Variants in GAD1 observed in about 807,000 individuals in gnomAD.
The protein encoded by GAD1 is glutamate decarboxylase 1.
Under a neutral mutation model 75.2 loss-of-function variants are expected in GAD1, and 35 were observed. That is an observed-to-expected ratio of 0.47 (90% CI 0.36 to 0.62). The LOEUF is 0.62. Ranked by LOEUF, GAD1 falls within the 20% of genes least tolerant of loss-of-function variation. The pLI is 0.00. For synonymous variants in GAD1, 257 were observed against 271.9 expected, an observed-to-expected ratio of 0.95 and a Z score of 0.54; for missense variants, 490 against 758.5, an observed-to-expected ratio of 0.65 and a Z score of 4.16.
chr2:170,847,491 T>C (rs1444112787), intron 10 of GAD1, among the ~76,000 whole-genome samples, 185 bp from the exon 11 acceptor site: 1 of 152,228 alleles, frequency 6.6e-6, no homozygotes, highest in Non-Finnish European at 1.5e-5. Context: ...CAAAAAATGT[T>C]TGTTGAATAA....
chr2:170,834,840 G>A (rs949064140), intron 5 of GAD1, among the ~76,000 whole-genome samples: 3 of 149,390 alleles, frequency 2.0e-5, no homozygotes, highest in African/African-American at 7.4e-5. Flanking sequence ...GCGTGATCTC[G>A]GCTCACTGCA....
chr2:170,851,777 C>T (rs1207929652), intron 12 of GAD1, among the ~76,000 whole-genome samples: 1 of 152,188 alleles, frequency 6.6e-6, no homozygotes, highest in Admixed American at 6.5e-5. Context: ...AATGCCCTAG[C>T]TAGTGTGCTC....
intron 6 of GAD1, among the ~76,000 whole-genome samples, chr2:170,840,481 G>A (rs1410267754): frequency 2.0e-5 from 3 of 152,108 alleles, no homozygotes; most frequent in African/African-American, 7.2e-5. Flanking sequence ...AGTCACCAGG[G>A]ATCCAGATTT....
chr2:170,815,516 AT>A (rs1701679541), upstream of GAD1, among the ~76,000 whole-genome samples: 1 of 151,992 alleles, frequency 6.6e-6, no homozygotes, highest in African/African-American at 2.4e-5. Flanking sequence ...GTGTGTTTCC[AT>A]TGTGTTGTGG....
At chr2:170,821,967 C>A (rs1701892940) in intron 2 of GAD1, 120 bp from the exon 3 acceptor site, 3 of 868,992 alleles carry the variant, frequency 3.5e-6, no homozygotes, top group Non-Finnish European at 5.6e-6. Context: ...CAGGAAGTAG[C>A]TTTTAATGAA....
chr2:170,825,897 T>A lies in GAD1; in HGVS notation c.146-3578T>A, dbSNP rs897246189. ...AGAGCAAGAGGGAGTACACTCGGCT[T>A]CATTCTCTGGGACCCCTTCTTACAG... On this transcript the variant is annotated intron_variant, in intron 3 of 16. Coordinates refer to ENST00000358196, the MANE Select transcript of GAD1 (RefSeq NM_000817.3). 3.9e-5 allele frequency among the ~76,000 whole-genome samples: 6 copies of A among 152,060 alleles called. No homozygotes were observed. The East Asian group carries it at 5.8e-4, about 15-fold the overall frequency.
chr2:170,844,115 G>T lies in GAD1; in HGVS notation c.709G>T (p.Val237Phe). The change falls in exon 7 of 17, where the codon GTT becomes TTT. Residue 237 changes from valine (V) to phenylalanine (F), a missense_variant. Physicochemically the swap from Val to Phe is conservative, Grantham distance 50. Coordinates refer to ENST00000358196, the MANE Select transcript of GAD1 (RefSeq NM_000817.3). ...AACACTTAAGAAGATGAGAGAGATA[G>T]TTGGATGGTCAAGTAAAGATGGTGA... The part of the protein sequence containing the change: ...QITLKKMREI[V>F]GWSSKDGDGI... 6.2e-7 allele frequency: 1 copy of T among 1,610,570 alleles called. No homozygotes were observed. Among genetic ancestry groups the T allele is most frequent in the South Asian group, 1.1e-5 (1 of 91,016 alleles).
At chr2:170,852,142 C>G (rs1702754284) in intron 12 of GAD1, among the ~76,000 whole-genome samples, 1 of 152,218 alleles carries the variant, frequency 6.6e-6, no homozygotes, top group South Asian at 2.1e-4. Flanking sequence ...AACTCTGTGA[C>G]TTTGGGTAAT....
At position 170,858,863 on chromosome 2, in the gene GAD1, C is replaced by G. The variant is rs1559288194; in HGVS notation, c.1581C>G (p.Asp527Glu). 1.2e-6 allele frequency: 2 copies of G among 1,614,202 alleles called. No individual in the cohort carries two copies. Among genetic ancestry groups the G allele is most frequent in the African/African-American group, 2.7e-5 (2 of 75,054 alleles). ...CACAAAGCCTCAGGGGTGTGCCAGA[C>G]AGCCCTCAACGACGGGAAAAGCTAC... The part of the protein sequence containing the change: ...YIPQSLRGVP[D>E]SPQRREKLHK... The change falls in exon 16 of 17, where the codon GAC becomes GAG. Residue 527 changes from aspartate to glutamate, a missense_variant. Transcript: ENST00000358196.
At chr2:170,854,624 C>A (rs1253711589) in intron 14 of GAD1, among the ~76,000 whole-genome samples, 2 of 152,166 alleles carry the variant, frequency 1.3e-5, no homozygotes, top group Non-Finnish European at 2.9e-5. Flanking sequence ...CCAGGATGGT[C>A]TCAGTCTCCT....
At chr2:170,845,001 C>A (rs1702600182) in intron 7 of GAD1, among the ~76,000 whole-genome samples, 2 of 152,156 alleles carry the variant, frequency 1.3e-5, no homozygotes, top group Admixed American at 6.5e-5. Flanking sequence ...ACTTAGAGCT[C>A]TCCTAAATGA....
chr2:170,813,813 G>A (rs1701651116), upstream of GAD1, among the ~76,000 whole-genome samples: 1 of 152,240 alleles, frequency 6.6e-6, no homozygotes, highest in Admixed American at 6.5e-5. Flanking sequence ...AGCGGTGGTT[G>A]ACCTAAGGAA....
upstream of GAD1, among the ~76,000 whole-genome samples, chr2:170,814,351 G>A (rs530192188): frequency 5.9e-5 from 9 of 152,328 alleles, no homozygotes; most frequent in African/African-American, 2.2e-4. Flanking sequence ...GGGACCAGAA[G>A]GACGGGCGCT....
chr2:170,831,205 G>A lies in GAD1; in HGVS notation c.547+13G>A, dbSNP rs1215871217. Reference sequence around the variant, plus strand: ...GGGGTTCGCACAGGTAAGGAGGAGAGTTGGGTAGACAGGTAGTGGCAACTT... The same window carrying A: ...GGGGTTCGCACAGGTAAGGAGGAGAATTGGGTAGACAGGTAGTGGCAACTT... On this transcript the variant is annotated intron_variant, in intron 5 of 16. Transcript: ENST00000358196. 1.9e-6 allele frequency: 3 copies of A among 1,614,062 alleles called. No homozygotes were observed. Among genetic ancestry groups the A allele is most frequent in the South Asian group, 2.2e-5 (2 of 91,080 alleles).
intron 3 of GAD1, among the ~76,000 whole-genome samples, chr2:170,823,784 C>G (rs926698624): frequency 6.6e-6 from 1 of 151,988 alleles, no homozygotes; most frequent in Admixed American, 6.6e-5. Flanking sequence ...CAGAACTGAG[C>G]GAGCCCTGGG....
At chr2:170,824,339 CTTT>C (rs1205151059) in intron 3 of GAD1, among the ~76,000 whole-genome samples, 1 of 151,620 alleles carries the variant, frequency 6.6e-6, no homozygotes, top group East Asian at 1.9e-4. Flanking sequence ...AGAGTGCAGT[CTTT>C]TGTGTTGGCC....
chr2:170,837,421 T>C (rs1386158917), intron 6 of GAD1, among the ~76,000 whole-genome samples: 1 of 152,252 alleles, frequency 6.6e-6, no homozygotes, highest in Non-Finnish European at 1.5e-5. Context: ...CTTGTTTGTG[T>C]AGGCAAAGCC....
chr2:170,832,887 G>A (rs1205764019), intron 5 of GAD1, among the ~76,000 whole-genome samples: 1 of 152,192 alleles, frequency 6.6e-6, no homozygotes, highest in Non-Finnish European at 1.5e-5. Flanking sequence ...GGACTTTGGG[G>A]CCTCTGTCTG....
In GAD1 at chr2:170,853,058, T is replaced by G. The variant is rs1208149005; in HGVS notation, c.1263+266T>G. On this transcript the variant is annotated intron_variant, in intron 13 of 16. Coordinates refer to ENST00000358196, the MANE Select transcript of GAD1 (RefSeq NM_000817.3). This position sits in a 1 kb window ranked among gnomAD's most constrained non-coding sequence, Gnocchi z 4.1. ...TTAAGGAAATTATTTAATTGAGTATTCCTTCATGTTTGCACAAAAAAAGTG... is the reference window on the plus strand; with the variant it reads ...TTAAGGAAATTATTTAATTGAGTATGCCTTCATGTTTGCACAAAAAAAGTG... 2 of 526,060 alleles carry G rather than the reference T, an allele frequency of 3.8e-6. No homozygotes were observed. The highest frequency in any genetic ancestry group is 6.9e-6 in the Non-Finnish European group (2 of 291,360). The allele number at this position is 526,060 out of a possible 1,614,324, so 32.6% of individuals were successfully genotyped here.
Sources: gnomAD v4.1 joint callset for allele counts (sites outside exome capture counted in the v4.1 genomes callset) on GRCh38, gnomAD v4.1.1 for gene constraint, Gnocchi (gnomAD v3.1) non-coding constraint, MANE v1.5 for transcripts, NCBI Gene and HGNC (gene_info 2026-07-23, HGNC 2026-07-21) for gene names.